Variants in CLCN5 observed in about 807,000 individuals in gnomAD.
CLCN5 encodes Cl-/H+ antiporter 5.
A neutral mutation model predicts 54.0 loss-of-function variants in CLCN5; 17 were observed. That is an observed-to-expected ratio of 0.31 (90% CI 0.22 to 0.47). The LOEUF (loss-of-function observed/expected upper bound fraction) is 0.47, where lower values mean the gene tolerates loss of function less well. Among genes scored for constraint, CLCN5 ranks in the 20% least tolerant of loss-of-function variants. The pLI is 1.00. For missense variants in CLCN5, 448 were observed against 646.7 expected, an observed-to-expected ratio of 0.69 and a Z score of 3.33; for synonymous variants, 222 against 233.0, an observed-to-expected ratio of 0.95 and a Z score of 0.43.
chrX:50,046,230 C>G (rs1225121289), intron 4 of CLCN5, among the ~76,000 whole-genome samples: 1 of 112,515 alleles, frequency 8.9e-6, no homozygotes, highest in African/African-American at 3.2e-5. Flanking sequence ...ACTTGCCTGC[C>G]TCTGCAGCCT....
intron 4 of CLCN5, among the ~76,000 whole-genome samples, chrX:50,060,375 C>T (rs1315922021): frequency 9.2e-6 from 1 of 108,646 alleles, no homozygotes; most frequent in Non-Finnish European, 1.9e-5. Context: ...GTTCCCTTTC[C>T]GAGTCAAAGA....
intron 3 of CLCN5, among the ~76,000 whole-genome samples, chrX:50,002,347 C>T (rs1159553747): frequency 6.3e-5 from 7 of 111,215 alleles, no homozygotes; most frequent in Non-Finnish European, 1.3e-4. Context: ...AAGCCCTACT[C>T]CTCCCTCTGT....
intron 3 of CLCN5, among the ~76,000 whole-genome samples, chrX:49,986,500 TG>T (rs1929001450): frequency 8.9e-6 from 1 of 111,990 alleles, no homozygotes; most frequent in Non-Finnish European, 1.9e-5. Flanking sequence ...GAAAATAAAT[TG>T]TTTTTTCCTT....
intron 9 of CLCN5, among the ~76,000 whole-genome samples, chrX:50,084,055 T>C (rs1294171402): frequency 1.8e-5 from 2 of 112,409 alleles, no homozygotes; most frequent in Non-Finnish European, 3.8e-5. Context: ...GGATATGTTA[T>C]GAAAAATGCA....
intron 3 of CLCN5, 46 bp downstream of exon 3, chrX:49,925,360 CTA>C: frequency 1.7e-6 from 2 of 1,150,080 alleles, no homozygotes; most frequent in South Asian, 1.8e-5. Context: ...TCCTCCTACT[CTA>C]TTCTCTACCC....
Position 50,090,758 on chromosome X carries a change from A to G in CLCN5, c.2232A>G (p.Pro744=), listed in dbSNP as rs781837850. ...CTCCTCCATTGCCACCATACACTCC[A>G]CCCACTCTAAAGCTTCGGAACATCC... ...EHSPPLPPYT[P]PTLKLRNILD... The change falls in exon 14 of 15, where the codon CCA becomes CCG. Residue 744 remains proline, a synonymous_variant. Transcript: ENST00000376091. The G allele has an allele frequency of 1.7e-6, 2 of 1,210,366 alleles. No homozygotes were observed. The highest frequency in any genetic ancestry group is 2.2e-6 in the Non-Finnish European group (2 of 894,604).
chrX:49,998,539 C>T (rs1396692466), intron 3 of CLCN5, among the ~76,000 whole-genome samples: 3 of 111,489 alleles, frequency 2.7e-5, no homozygotes, highest in Non-Finnish European at 5.6e-5. Flanking sequence ...GCTTTCTGAC[C>T]TGCTTGGTAC....
At chrX:49,948,398 A>C (rs782690965) in intron 3 of CLCN5, among the ~76,000 whole-genome samples, 1 of 111,216 alleles carries the variant, frequency 9.0e-6, no homozygotes, top group East Asian at 2.8e-4. Context: ...ATGCTCCACT[A>C]TCAGCATATA....
Position 49,993,457 on chromosome X carries a change from G to A in CLCN5, c.17-48859G>A, listed in dbSNP as rs782406546. On this transcript the variant is annotated intron_variant, in intron 3 of 14. Transcript: ENST00000376091. ...GGGAGGGGGTCCAGAGTGTCCTTTC[G>A]TTGGCTCTTCCAGATTCAATGTGTA... Among the ~76,000 whole-genome samples the A allele has an allele frequency of 9.8e-5, 11 of 111,868 alleles. No homozygotes were observed. In the East Asian group the frequency reaches 3.1e-3, roughly 31 times the overall value.
At chrX:50,069,539 C>T in intron 4 of CLCN5, 2 of 778,519 alleles carry the variant, frequency 2.6e-6, no homozygotes, top group Non-Finnish European at 3.1e-6. Flanking sequence ...ACCCTTTTGT[C>T]TCCCTTCCAT....
At position 50,090,213 on chromosome X, in the gene CLCN5, A is replaced by T. The variant is rs1934040596; in HGVS notation, c.1842A>T (p.Thr614=). Reference sequence around the variant, plus strand: ...TGCCTCTGATGGCTGCAGCCATGACAAGCAAGTGGGTGGCAGATGCTCTTG... The same window carrying T: ...TGCCTCTGATGGCTGCAGCCATGACTAGCAAGTGGGTGGCAGATGCTCTTG... ...YIVPLMAAAM[T]SKWVADALGR... Residue 614 remains threonine (T), a synonymous_variant, in exon 13 of 15, where the codon ACA becomes ACT. Transcript: ENST00000376091. The T allele has an allele frequency of 8.3e-7, 1 of 1,211,636 alleles. No homozygotes were observed.
intron 3 of CLCN5, among the ~76,000 whole-genome samples, chrX:49,938,234 A>T (rs1311971431): frequency 8.9e-6 from 1 of 111,859 alleles, no homozygotes; most frequent in African/African-American, 3.2e-5. Flanking sequence ...TATAGATTCA[A>T]TGCCATCCCC....
At chrX:49,951,794 C>A (rs1927052461) in intron 3 of CLCN5, among the ~76,000 whole-genome samples, 1 of 111,921 alleles carries the variant, frequency 8.9e-6, no homozygotes, top group Non-Finnish European at 1.9e-5. Context: ...TTTCTCTTCA[C>A]CAAACGGAAA....
chrX:49,964,841 A>G (rs1227059417), intron 3 of CLCN5, among the ~76,000 whole-genome samples: 2 of 111,047 alleles, frequency 1.8e-5, no homozygotes, highest in Admixed American at 1.9e-4. Context: ...CACACTGTTC[A>G]GTTCCACAAG....
At chrX:50,073,287 C>T (rs1557191716) in intron 6 of CLCN5, among the ~76,000 whole-genome samples, 1 of 111,539 alleles carries the variant, frequency 9.0e-6, no homozygotes, top group Non-Finnish European at 1.9e-5. Flanking sequence ...AAGGATAGGG[C>T]CTAGGCAAAT....
chrX:49,978,959 G>A (rs1292432780), intron 3 of CLCN5, among the ~76,000 whole-genome samples: 1 of 111,365 alleles, frequency 9.0e-6, no homozygotes, highest in African/African-American at 3.3e-5. Context: ...CATCACTGGA[G>A]ATGTAGAGGT....
chrX:50,062,035 AC>A (rs1932862500), intron 4 of CLCN5, among the ~76,000 whole-genome samples: 1 of 102,359 alleles, frequency 9.8e-6, no homozygotes, highest in Non-Finnish European at 1.9e-5. Flanking sequence ...AACAACCGGT[AC>A]CAGCTGCTGC....
intron 4 of CLCN5, among the ~76,000 whole-genome samples, chrX:50,068,915 T>A (rs962317886): frequency 8.9e-6 from 1 of 112,363 alleles, no homozygotes; most frequent in Non-Finnish European, 1.9e-5. Flanking sequence ...AGCAAAATCT[T>A]ATTCCATCAG....
At chrX:49,983,248 T>C (rs1319976090) in intron 3 of CLCN5, among the ~76,000 whole-genome samples, 1 of 112,171 alleles carries the variant, frequency 8.9e-6, no homozygotes, top group Non-Finnish European at 1.9e-5. Context: ...GAGTATTAGC[T>C]CAGAACAATA....
Sources: allele counts gnomAD v4.1 joint callset (sites outside exome capture counted in the v4.1 genomes callset), GRCh38; gene constraint gnomAD v4.1.1; transcripts MANE v1.5; gene names NCBI Gene and HGNC (gene_info 2026-07-23, HGNC 2026-07-21).